TP63: variants seen among roughly 807,000 people sequenced by gnomAD.
TP63 encodes the protein tumor protein 63.
TP63 carries 17 observed loss-of-function variants against 82.8 expected under a neutral mutation model. The ratio of observed to expected loss-of-function variants is 0.21; its 90% CI spans 0.14 to 0.31. The LOEUF (loss-of-function observed/expected upper bound fraction) is 0.31, where lower values mean the gene tolerates loss of function less well. Among genes scored for constraint, TP63 ranks in the 10% least tolerant of loss-of-function variants. TP63 has a pLI of 1.00. For missense variants in TP63, 648 were observed against 895.3 expected (o/e 0.72, Z 3.52); for synonymous variants, 330 against 321.7 (o/e 1.03, Z -0.28).
At position 189,633,642 on chromosome 3, in the gene TP63, G is replaced by A. The variant is rs1729596055; in HGVS notation, c.62+2065G>A. On this transcript the variant is annotated intron_variant, in intron 1 of 13. Coordinates refer to ENST00000264731, the MANE Select transcript of TP63 (RefSeq NM_003722.5). ...GCCCTGGGCTTTAATCATGGTGCCT[G>A]ATACTTTTGGGGAAGGCAGGGGAGG... Among the ~76,000 whole-genome samples the A allele has an allele frequency of 2.0e-5, 3 of 152,060 alleles. No homozygotes were observed. In the South Asian group the frequency reaches 6.2e-4, roughly 32 times the overall value.
At chr3:189,741,056 A>G (rs79558597) in intron 3 of TP63, among the ~76,000 whole-genome samples, 7,394 of 152,288 alleles carry the variant, frequency 0.049, 362 homozygotes, top group East Asian at 0.26. Flanking sequence ...GAGAGAGCTA[A>G]AAGACAAAAT....
intron 3 of TP63, among the ~76,000 whole-genome samples, chr3:189,768,098 C>A (rs958961748): frequency 6.6e-6 from 1 of 152,082 alleles, no homozygotes; most frequent in Admixed American, 6.5e-5. Flanking sequence ...TCAAACCCCC[C>A]GCGTGTATGA....
chr3:189,858,464 T>G (rs1395039383), intron 4 of TP63, among the ~76,000 whole-genome samples: 1 of 151,914 alleles, frequency 6.6e-6, no homozygotes, highest in Admixed American at 6.6e-5. Flanking sequence ...AGAATACTAT[T>G]CAGTCAGAAA....
intron 4 of TP63, among the ~76,000 whole-genome samples, chr3:189,852,160 T>C (rs191140006): frequency 1.3e-5 from 2 of 152,338 alleles, no homozygotes; most frequent in Admixed American, 1.3e-4. Context: ...AATAAATAAA[T>C]GATGCCCACA....
chr3:189,809,364 A>G (rs951188692), intron 4 of TP63, among the ~76,000 whole-genome samples: 1 of 152,192 alleles, frequency 6.6e-6, no homozygotes, highest in Non-Finnish European at 1.5e-5. Flanking sequence ...CTTTTTCATA[A>G]CTAGATCCAA....
chr3:189,811,191 C>G (rs1024483741), intron 4 of TP63, among the ~76,000 whole-genome samples: 2 of 152,196 alleles, frequency 1.3e-5, no homozygotes, highest in Non-Finnish European at 2.9e-5. Context: ...GTCTGTGCCT[C>G]AGATGAGAAA....
chr3:189,844,371 C>T lies in TP63; in HGVS notation c.580-19861C>T, dbSNP rs185822901. On this transcript the variant is annotated intron_variant, in intron 4 of 13. Coordinates refer to ENST00000264731, the MANE Select transcript of TP63 (RefSeq NM_003722.5). Reference sequence around the variant, plus strand: ...CACGACCTCAGCTCACTGCAACCTCCGCCTTCTGGATTCAAGCGATTCTCC... The same window carrying T: ...CACGACCTCAGCTCACTGCAACCTCTGCCTTCTGGATTCAAGCGATTCTCC... The T allele has an allele frequency of 7.0e-4, 260 of 370,288 alleles. 2 individuals are homozygous for T. The highest frequency in any genetic ancestry group is 1.8e-3 in the Middle Eastern group (2 of 1,120). The allele number at this position is 370,288 out of a possible 1,614,324, so 22.9% of individuals were successfully genotyped here.
chr3:189,894,994 A>G lies in TP63; in HGVS notation c.*492A>G. ...GTCTATACTCCTTCCCTTAAGGGGT[A>G]TCATGTATGGTGATAGGTATCTAGA... On this transcript the variant is annotated 3_prime_UTR_variant, in exon 14 of 14. Coordinates refer to ENST00000264731, the MANE Select transcript of TP63 (RefSeq NM_003722.5). 4.5e-6 allele frequency: 1 copy of G among 221,096 alleles called. No homozygotes were observed. Among genetic ancestry groups the G allele is most frequent in the Non-Finnish European group, 9.1e-6 (1 of 109,672 alleles). The allele number at this position is 221,096 out of a possible 1,614,324, so 13.7% of individuals were successfully genotyped here.
intron 1 of TP63, among the ~76,000 whole-genome samples, chr3:189,700,880 G>T (rs142671929): frequency 6.6e-6 from 1 of 152,236 alleles, no homozygotes; most frequent in Non-Finnish European, 1.5e-5. Flanking sequence ...AACATACCAA[G>T]CTAGGAACAT....
At position 189,894,756 on chromosome 3, in the gene TP63, A is replaced by T; in HGVS notation, c.*254A>T. On this transcript the variant is annotated 3_prime_UTR_variant, in exon 14 of 14. Coordinates refer to ENST00000264731, the MANE Select transcript of TP63 (RefSeq NM_003722.5). ...GGCTAGGTAGAAGTGAGCAAAAAAGAGTTGGGTGTCTCCTTAAGCTGCAGA... is the reference window on the plus strand; with the variant it reads ...GGCTAGGTAGAAGTGAGCAAAAAAGTGTTGGGTGTCTCCTTAAGCTGCAGA... 1.9e-6 allele frequency: 1 copy of T among 518,446 alleles called. No homozygotes were observed. Among genetic ancestry groups the T allele is most frequent in the Non-Finnish European group, 3.5e-6 (1 of 288,244 alleles). 32.1% of individuals were successfully genotyped at this position (518,446 alleles called of 1,614,324 possible).
chr3:189,723,130 G>A (rs1467752155), intron 1 of TP63, among the ~76,000 whole-genome samples: 2 of 152,198 alleles, frequency 1.3e-5, no homozygotes, highest in African/African-American at 4.8e-5. Context: ...CCTTACTGGG[G>A]AAGTGGAGTA....
the TP63 span, among the ~76,000 whole-genome samples, chr3:189,602,786 G>A: frequency 9.2e-5 from 14 of 151,968 alleles, no homozygotes; most frequent in Non-Finnish European, 1.3e-4. Context: ...AAATTATATC[G>A]TTCGTAGAGT....
At position 189,752,350 on chromosome 3, in the gene TP63, GT is replaced by G. The variant is rs747193375; in HGVS notation, c.324+13583del. Among the ~76,000 whole-genome samples the G allele has an allele frequency of 1.3e-4, 19 of 151,790 alleles. 1 individual carries two copies. The South Asian group carries it at 2.9e-3, about 23-fold the overall frequency. On this transcript the variant is annotated intron_variant, in intron 3 of 13. Transcript: ENST00000264731. Reference sequence around the variant, plus strand: ...CACCATACCCGGCTAACTTTTTGTAGTTTTTTTGTAGAGATGGGGTTTCACC... The same window carrying G: ...CACCATACCCGGCTAACTTTTTGTAGTTTTTTGTAGAGATGGGGTTTCACC...
At chr3:189,746,293 G>T (rs1721371718) in intron 3 of TP63, among the ~76,000 whole-genome samples, 1 of 151,762 alleles carries the variant, frequency 6.6e-6, no homozygotes, top group Admixed American at 6.6e-5. Context: ...AAAAATGTCA[G>T]TCAAGGATAT....
intron 1 of TP63, among the ~76,000 whole-genome samples, chr3:189,695,800 G>T (rs890340010): frequency 2.6e-5 from 4 of 152,096 alleles, no homozygotes; most frequent in African/African-American, 9.7e-5. Context: ...TACATATATA[G>T]TGGTTTCAGA....
At chr3:189,774,886 C>G (rs937660010) in intron 3 of TP63, among the ~76,000 whole-genome samples, 3 of 152,058 alleles carry the variant, frequency 2.0e-5, no homozygotes, top group Admixed American at 6.6e-5. Flanking sequence ...GACTTAGGTA[C>G]GCGGTTGGCC....
At chr3:189,710,668 C>T (rs1577283201) in intron 1 of TP63, among the ~76,000 whole-genome samples, 1 of 152,142 alleles carries the variant, frequency 6.6e-6, no homozygotes. Context: ...TATTTATGTG[C>T]TTAAAATGGC....
intron 9 of TP63, among the ~76,000 whole-genome samples, chr3:189,870,592 T>C (rs1352403286): frequency 6.6e-6 from 1 of 152,186 alleles, no homozygotes. Flanking sequence ...CAACTGTGTA[T>C]GTAAATGGCC....
the TP63 span, among the ~76,000 whole-genome samples, chr3:189,607,527 T>C: frequency 6.6e-6 from 1 of 152,210 alleles, no homozygotes; most frequent in East Asian, 1.9e-4. Context: ...AAAAATAATT[T>C]TTATTAGAGT....
Sources: allele counts gnomAD v4.1 joint callset (sites outside exome capture counted in the v4.1 genomes callset), GRCh38; gene constraint gnomAD v4.1.1; transcripts MANE v1.5; gene names NCBI Gene and HGNC (gene_info 2026-07-23, HGNC 2026-07-21).